Variants in RBPJ observed in about 807,000 individuals in gnomAD.
RBPJ encodes recombination signal binding protein for immunoglobulin kappa J region.
Under a neutral mutation model 67.8 loss-of-function variants are expected in RBPJ, and 9 were observed. That is an observed-to-expected ratio of 0.13 (90% CI 0.08 to 0.23). RBPJ has a LOEUF of 0.23. RBPJ is among the 10% of genes least tolerant of loss of function. The probability of loss-of-function intolerance (pLI) is 1.00; values close to 1 mark genes in which losing one functional copy is unlikely to be tolerated. For missense variants in RBPJ, 305 were observed against 595.6 expected (o/e 0.51, Z 5.08); for synonymous variants, 198 against 203.3 (o/e 0.97, Z 0.22).
rs897964346 is a variant in RBPJ, at chr4:26,431,184, TAAAAAAAAAAAAAAA to T, written c.*190_*204del. 8 of 40,798 alleles carry T rather than the reference TAAAAAAAAAAAAAAA, an allele frequency of 2.0e-4. No homozygotes were observed. Among genetic ancestry groups the T allele is most frequent in the Non-Finnish European group, 2.9e-4 (6 of 20,750 alleles). 2.5% of individuals were successfully genotyped at this position (40,798 alleles called of 1,614,324 possible). ...CTGATTTGAAATGCAGAAGCCACAG[TAAAAAAAAAAAAAAA>T]AAAAAAAAAAAAGAAAAAAAAATCA... On this transcript the variant is annotated 3_prime_UTR_variant, in exon 11 of 11. Transcript: ENST00000355476.
intron 1 of RBPJ, among the ~76,000 whole-genome samples, chr4:26,190,456 G>A (rs982634638): frequency 6.6e-6 from 1 of 152,146 alleles, no homozygotes; most frequent in African/African-American, 2.4e-5. Context: ...GTACCCAGAA[G>A]GCTTTCAAAC....
At chr4:26,147,565 A>G in the RBPJ span, among the ~76,000 whole-genome samples, 4 of 152,234 alleles carry the variant, frequency 2.6e-5, no homozygotes, top group Admixed American at 2.6e-4. Context: ...TCTAGGTTCA[A>G]ATTTCAGAGA....
At chr4:26,266,120 C>A (rs572465245) in intron 1 of RBPJ, among the ~76,000 whole-genome samples, 67 of 152,270 alleles carry the variant, frequency 4.4e-4, no homozygotes, top group African/African-American at 1.6e-3. Flanking sequence ...TTTCTCTGTG[C>A]CCCAACAGTA....
intron 1 of RBPJ, among the ~76,000 whole-genome samples, chr4:26,280,226 C>T (rs1488523199): frequency 1.3e-5 from 2 of 151,792 alleles, no homozygotes; most frequent in African/African-American, 4.8e-5. Flanking sequence ...GAAACCCCAA[C>T]TCTACTAAAA....
At chr4:26,228,694 G>A (rs952532475) in intron 1 of RBPJ, among the ~76,000 whole-genome samples, 3 of 152,234 alleles carry the variant, frequency 2.0e-5, no homozygotes, top group Admixed American at 1.3e-4. Flanking sequence ...CATAATGCAA[G>A]GAATTCTCCC....
chr4:26,302,470 A>T (rs1010162898), intron 1 of RBPJ, among the ~76,000 whole-genome samples: 1 of 152,178 alleles, frequency 6.6e-6, no homozygotes, highest in African/African-American at 2.4e-5. Context: ...AATGGCCTAC[A>T]AGTAATGTAC....
At chr4:26,426,867 T>C (rs935355738) in intron 7 of RBPJ, among the ~76,000 whole-genome samples, 1 of 152,188 alleles carries the variant, frequency 6.6e-6, no homozygotes, top group African/African-American at 2.4e-5. Flanking sequence ...TGGCAGGAAC[T>C]GAATCTGTAA....
the RBPJ span, among the ~76,000 whole-genome samples, chr4:26,107,027 G>A: frequency 2.0e-5 from 3 of 152,218 alleles, no homozygotes; most frequent in Non-Finnish European, 2.9e-5. Context: ...CAGCAGAGGA[G>A]AAAGTAAATT....
chr4:26,420,322 A>G (rs1735003036), intron 4 of RBPJ, among the ~76,000 whole-genome samples: 1 of 152,202 alleles, frequency 6.6e-6, no homozygotes. Flanking sequence ...TTTAAAGAGG[A>G]TACAATAGAT....
intron 1 of RBPJ, among the ~76,000 whole-genome samples, chr4:26,255,812 A>G (rs907932377): frequency 1.3e-5 from 2 of 151,584 alleles, no homozygotes; most frequent in East Asian, 3.9e-4. Context: ...AAAAAAAAAA[A>G]AAAAAAGAAA....
chr4:26,193,188 T>G (rs1560204971), intron 1 of RBPJ, among the ~76,000 whole-genome samples: 1 of 152,306 alleles, frequency 6.6e-6, no homozygotes, highest in South Asian at 2.1e-4. Flanking sequence ...TAAATTTGTG[T>G]TCCTTTAAGC....
intron 2 of RBPJ, among the ~76,000 whole-genome samples, chr4:26,395,285 A>T (rs1560320311): frequency 6.6e-6 from 1 of 151,930 alleles, no homozygotes; most frequent in Non-Finnish European, 1.5e-5. Flanking sequence ...AGGGAGAATT[A>T]AAAAAAATTA....
chr4:26,344,932 A>C (rs1725976180), intron 1 of RBPJ, among the ~76,000 whole-genome samples: 1 of 152,230 alleles, frequency 6.6e-6, no homozygotes, highest in Non-Finnish European at 1.5e-5. Context: ...ATTTTAAAAA[A>C]ATACAGGTTG....
intron 3 of RBPJ, among the ~76,000 whole-genome samples, chr4:26,411,418 G>A (rs1201646196): frequency 1.3e-5 from 2 of 151,472 alleles, no homozygotes; most frequent in Non-Finnish European, 2.9e-5. Context: ...TTTTTACGAA[G>A]TATGGGCAAC....
At chr4:26,171,277 G>A (rs16878154) in intron 1 of RBPJ, among the ~76,000 whole-genome samples, 31,660 of 151,858 alleles carry the variant, frequency 0.21, 4,374 homozygotes, top group African/African-American at 0.39. Context: ...AAAACTAATC[G>A]CCTAGGTTAA....
chr4:26,341,967 A>G (rs560936156), intron 1 of RBPJ, among the ~76,000 whole-genome samples: 7 of 152,342 alleles, frequency 4.6e-5, no homozygotes, highest in South Asian at 2.1e-4. Flanking sequence ...GATGGGACAT[A>G]GTGCAAAACT....
intron 1 of RBPJ, among the ~76,000 whole-genome samples, chr4:26,210,801 T>TTCTTTCTTTCTC (rs1718392035): frequency 6.7e-6 from 1 of 149,676 alleles, no homozygotes; most frequent in African/African-American, 2.5e-5. Context: ...CTTTCTTTCT[T>TTCTTTCTTTCTC]TCTTTCTTTT....
intron 1 of RBPJ, among the ~76,000 whole-genome samples, chr4:26,207,862 G>T (rs907601956): frequency 6.6e-6 from 1 of 152,182 alleles, no homozygotes; most frequent in African/African-American, 2.4e-5. Flanking sequence ...GAGCCGTCAG[G>T]AGGCCAGGAA....
chr4:26,309,689 C>T (rs1403631668), intron 1 of RBPJ, among the ~76,000 whole-genome samples: 1 of 152,138 alleles, frequency 6.6e-6, no homozygotes, highest in Non-Finnish European at 1.5e-5. Flanking sequence ...CCCAAAACCA[C>T]TGCAATATAT....
Sources: allele counts gnomAD v4.1 joint callset (sites outside exome capture counted in the v4.1 genomes callset), GRCh38; gene constraint gnomAD v4.1.1; transcripts MANE v1.5; gene names NCBI Gene and HGNC (gene_info 2026-07-23, HGNC 2026-07-21).